MEGF6: variants seen among roughly 807,000 people sequenced by gnomAD.
MEGF6 encodes the protein multiple EGF like domains 6, also known as multiple epidermal growth factor-like domains protein 6.
A neutral mutation model predicts 207.1 loss-of-function variants in MEGF6; 184 were observed. The observed-to-expected ratio is 0.89, with a 90% CI of 0.79 to 1.00. The LOEUF (loss-of-function observed/expected upper bound fraction) is 1.00, where lower values mean the gene tolerates loss of function less well. MEGF6 is among the 50% of genes least tolerant of loss of function. The probability of loss-of-function intolerance (pLI) is 0.00; values close to 1 mark genes in which losing one functional copy is unlikely to be tolerated. For synonymous variants in MEGF6, 1,038 were observed against 910.0 expected, an observed-to-expected ratio of 1.14 and a Z score of -2.53; for missense variants, 2,282 against 2,202.9, an observed-to-expected ratio of 1.04 and a Z score of -0.72.
Position 3,490,571 on chromosome 1 carries a change from G to C in MEGF6, c.4583C>G (p.Ser1528Cys), listed in dbSNP as rs375123791. ...AQGSAGTLPA[S>C]SRPTSRSGGP... The stretch of plus-strand genomic sequence containing the variant: ...ACCGCTCCGGGATGTGGGTCTGCTG[G>C]AGGCGGGCAGTGTGCCCGCTGGGGA... The change falls in exon 37 of 37, where the codon TCC (serine) becomes TGC (cysteine). Residue 1528 changes from serine (S) to cysteine (C), a missense_variant. By Grantham distance (112) the Ser-to-Cys change is moderately radical (BLOSUM62 -1). Transcript: ENST00000356575. 3.1e-6 allele frequency: 5 copies of C among 1,613,460 alleles called. No individual in the cohort carries two copies. Among genetic ancestry groups the C allele is most frequent in the Non-Finnish European group, 4.2e-6 (5 of 1,179,904 alleles).
At chr1:3,605,310 A>G (rs977096029) in intron 1 of MEGF6, among the ~76,000 whole-genome samples, 28 of 152,030 alleles carry the variant, frequency 1.8e-4, no homozygotes, top group African/African-American at 6.8e-4. Flanking sequence ...ACACATTCAC[A>G]TTCATATGCA....
In MEGF6 at chr1:3,498,741, G is replaced by A. The variant is rs1450769100; in HGVS notation, c.3180C>T (p.His1060=). 1 of 1,565,716 alleles carries A rather than the reference G, an allele frequency of 6.4e-7. No individual in the cohort carries two copies. Among genetic ancestry groups the A allele is most frequent in the East Asian group, 2.4e-5 (1 of 42,246 alleles). The change falls in exon 25 of 37, where the codon CAC becomes CAT. Residue 1060 remains histidine, a synonymous_variant. Coordinates refer to ENST00000356575, the MANE Select transcript of MEGF6 (RefSeq NM_001409.4). ...NGGTCDPVSG[H]CACPEGWAGL... ...CGGCCCAGCCCTCTGGGCACGCACAGTGGCCTGAGACAGGGTCACAGGTCC... is the reference window on the plus strand; with the variant it reads ...CGGCCCAGCCCTCTGGGCACGCACAATGGCCTGAGACAGGGTCACAGGTCC...
At chr1:3,492,606 C>A (rs1279768315) in intron 35 of MEGF6, 33 bp downstream of exon 35, 1 of 1,595,744 alleles carries the variant, frequency 6.3e-7, no homozygotes, top group Non-Finnish European at 8.6e-7. Flanking sequence ...GGGGATGGTG[C>A]CTTCCCGCCC....
In MEGF6 at chr1:3,499,187, G is replaced by C; in HGVS notation, c.3045C>G (p.His1015Gln). 1 of 1,603,854 alleles carries C rather than the reference G, an allele frequency of 6.2e-7. No individual in the cohort carries two copies. Among genetic ancestry groups the C allele is most frequent in the Non-Finnish European group, 8.5e-7 (1 of 1,176,416 alleles). The change falls in exon 24 of 37, where the codon CAC becomes CAG. Residue 1015 changes from histidine (H) to glutamine (Q), a missense_variant. Coordinates refer to ENST00000356575, the MANE Select transcript of MEGF6 (RefSeq NM_001409.4). ...CFNGASCDPVHGQCHCAPGWM... is the reference protein window; with the variant it reads ...CFNGASCDPVQGQCHCAPGWM... The stretch of plus-strand genomic sequence containing the variant: ...AGCCAGGGGCACAGTGGCACTGCCC[G>C]TGGACAGGGTCACAGGAGGCCCCGT...
chr1:3,538,745 T>A (rs112227573), intron 4 of MEGF6, among the ~76,000 whole-genome samples: 5,606 of 126,452 alleles, frequency 0.044, 160 homozygotes, highest in Admixed American at 0.087. Flanking sequence ...TGTGTGTGTG[T>A]CCGCGCTGTC....
At chr1:3,610,123 C>T (rs1644305062) in intron 1 of MEGF6, among the ~76,000 whole-genome samples, 1 of 152,266 alleles carries the variant, frequency 6.6e-6, no homozygotes, top group African/African-American at 2.4e-5. Context: ...TGCCAAGGCC[C>T]CCAACCCAGG....
In MEGF6 at chr1:3,579,797, G is replaced by A. The variant is rs774631066; in HGVS notation, c.481+28C>T. The A allele has an allele frequency of 2.1e-5, 30 of 1,430,630 alleles. No homozygotes were observed. The South Asian group carries it at 4.3e-4, about 21-fold the overall frequency. The allele number at this position is 1,430,630 out of a possible 1,614,324, so 88.6% of individuals were successfully genotyped here. ...TGCCCACAGGCTGGCCATGGCCAGGGCCTTGGTCCCCCAGGGGCTCCACTC... is the reference window on the plus strand; with the variant it reads ...TGCCCACAGGCTGGCCATGGCCAGGACCTTGGTCCCCCAGGGGCTCCACTC... On this transcript the variant is annotated intron_variant, in intron 4 of 36. Transcript: ENST00000356575.
rs541718887 is a variant in MEGF6, at chr1:3,532,464, G to A, written c.482-8218C>T. Among the ~76,000 whole-genome samples the A allele has an allele frequency of 1.2e-4, 19 of 152,352 alleles. No homozygotes were observed. The East Asian group carries it at 3.1e-3, about 25-fold the overall frequency. ...GTGATCCCTGCCTGGGACCAGCCCAGCACCACCTCCAGCACTGGCGGTGAG... is the reference window on the plus strand; with the variant it reads ...GTGATCCCTGCCTGGGACCAGCCCAACACCACCTCCAGCACTGGCGGTGAG... On this transcript the variant is annotated intron_variant, in intron 4 of 36. Transcript: ENST00000356575.
At chr1:3,553,865 C>A (rs1642959239) in intron 4 of MEGF6, among the ~76,000 whole-genome samples, 1 of 152,200 alleles carries the variant, frequency 6.6e-6, no homozygotes. Flanking sequence ...CTTCTGGGAA[C>A]AGGTGGGCCC....
rs544407674 is a variant in MEGF6, at chr1:3,504,569, C to T, written c.2188+639G>A. Among the ~76,000 whole-genome samples the T allele has an allele frequency of 4.6e-5, 7 of 152,192 alleles. No individual in the cohort carries two copies. In the East Asian group the frequency reaches 1.2e-3, roughly 25 times the overall value. Reference sequence around the variant, plus strand: ...TCTTGGCAAAGCCCCCAGCCCCACGCACGCTGGGCTGGAATCGCGTCGGGC... The same window carrying T: ...TCTTGGCAAAGCCCCCAGCCCCACGTACGCTGGGCTGGAATCGCGTCGGGC... On this transcript the variant is annotated intron_variant, in intron 17 of 36. Transcript: ENST00000356575.
At chr1:3,541,500 C>T (rs141389979) in intron 4 of MEGF6, among the ~76,000 whole-genome samples, 5 of 152,334 alleles carry the variant, frequency 3.3e-5, no homozygotes, top group African/African-American at 7.2e-5. Context: ...GGAGTGCAGG[C>T]GGACATGCGG....
chr1:3,601,356 G>A (rs1339638532), intron 2 of MEGF6, among the ~76,000 whole-genome samples: 1 of 152,260 alleles, frequency 6.6e-6, no homozygotes, highest in South Asian at 2.1e-4. Context: ...CATCCACAGG[G>A]CAGGCCCGCA....
chr1:3,527,032 C>T (rs1277048966), intron 4 of MEGF6, among the ~76,000 whole-genome samples: 1 of 152,222 alleles, frequency 6.6e-6, no homozygotes, highest in African/African-American at 2.4e-5. Context: ...GGCCTGATCC[C>T]TCGCTTCCAG....
At position 3,601,073 on chromosome 1, in the gene MEGF6, G is replaced by C. The variant is rs542192590; in HGVS notation, c.266+1393C>G. ...GGGACTTTGTCCACGGCTGCCCCCA[G>C]TGCCCTGCCAGGAGGCTGAGGACCC... On this transcript the variant is annotated intron_variant, in intron 2 of 36. Coordinates refer to ENST00000356575, the MANE Select transcript of MEGF6 (RefSeq NM_001409.4). Among the ~76,000 whole-genome samples, 27 of 152,312 alleles carry C rather than the reference G, an allele frequency of 1.8e-4. No homozygotes were observed. The South Asian group carries it at 5.0e-3, about 28-fold the overall frequency.
intron 1 of MEGF6, among the ~76,000 whole-genome samples, chr1:3,608,376 A>T (rs1644281746): frequency 6.6e-6 from 1 of 152,128 alleles, no homozygotes; most frequent in African/African-American, 2.4e-5. Flanking sequence ...GGGGAGGCTG[A>T]GAACAGCTGC....
At chr1:3,493,715 T>G in intron 34 of MEGF6, 56 bp downstream of exon 34, 3 of 1,586,238 alleles carry the variant, frequency 1.9e-6, no homozygotes, top group Non-Finnish European at 2.6e-6. Flanking sequence ...CAATCAATAT[T>G]GGTCACTGAT....
chr1:3,573,902 C>T lies in MEGF6; in HGVS notation c.481+5923G>A, dbSNP rs917799976. Among the ~76,000 whole-genome samples the T allele has an allele frequency of 5.2e-4, 79 of 152,164 alleles. 1 individual carries two copies. Among genetic ancestry groups the T allele is most frequent in the African/African-American group, 1.8e-3 (73 of 41,448 alleles). On this transcript the variant is annotated intron_variant, in intron 4 of 36. Coordinates refer to ENST00000356575, the MANE Select transcript of MEGF6 (RefSeq NM_001409.4). The surrounding 1 kb of genome is among the most constrained non-coding windows in gnomAD (Gnocchi z 5.1). ...TTAATCAATGGTCCCAGTTTAGAAACAGTCGCCCTGAGCCAACGCCAAGGG... is the reference window on the plus strand; with the variant it reads ...TTAATCAATGGTCCCAGTTTAGAAATAGTCGCCCTGAGCCAACGCCAAGGG...
chr1:3,558,814 C>G (rs1423760746), intron 4 of MEGF6, among the ~76,000 whole-genome samples: 1 of 152,162 alleles, frequency 6.6e-6, no homozygotes, highest in East Asian at 1.9e-4. Context: ...GCGCTGAGCA[C>G]CTGTTTCTAA....
chr1:3,499,181 C>G lies in MEGF6; in HGVS notation c.3051G>C (p.Gln1017His), dbSNP rs2100904657. The change falls in exon 24 of 37, where the codon CAG (glutamine) becomes CAC (histidine). Residue 1017 changes from glutamine (Q) to histidine (H), a missense_variant. Physicochemically the swap from Gln to His is conservative, Grantham distance 24. Transcript: ENST00000356575. ...CCATCCAGCCAGGGGCACAGTGGCA[C>G]TGCCCGTGGACAGGGTCACAGGAGG... ...NGASCDPVHG[Q>H]CHCAPGWMGP... 6.2e-7 allele frequency: 1 copy of G among 1,604,096 alleles called. No individual in the cohort carries two copies. Among genetic ancestry groups the G allele is most frequent in the Middle Eastern group, 1.8e-4 (1 of 5,444 alleles).
Sources: gnomAD v4.1 joint callset for allele counts (sites outside exome capture counted in the v4.1 genomes callset) on GRCh38, gnomAD v4.1.1 for gene constraint, Gnocchi (gnomAD v3.1) non-coding constraint, MANE v1.5 for transcripts, NCBI Gene and HGNC (gene_info 2026-07-23, HGNC 2026-07-21) for gene names.